Variants in MYO15A observed in about 807,000 individuals in gnomAD.
MYO15A encodes the protein myosin XVA, also known as unconventional myosin-XV.
A neutral mutation model predicts 394.6 loss-of-function variants in MYO15A; 308 were observed. The ratio of observed to expected loss-of-function variants is 0.78; its 90% CI spans 0.71 to 0.86. The LOEUF (loss-of-function observed/expected upper bound fraction) is 0.86, where lower values mean the gene tolerates loss of function less well. Among genes scored for constraint, MYO15A ranks in the 40% least tolerant of loss-of-function variants. MYO15A has a pLI of 0.00. For missense variants in MYO15A, 4,606 were observed against 4,799.1 expected (o/e 0.96, Z 1.19); for synonymous variants, 1,957 against 2,003.8 (o/e 0.98, Z 0.62).
chr17:18,125,109 G>A, intron 3 of MYO15A, 59 bp from the exon 4 acceptor site: 1 of 1,527,016 alleles, frequency 6.5e-7, no homozygotes, highest in South Asian at 1.1e-5. Context: ...GTTGGGGAGG[G>A]AGACCCATGC....
At chr17:18,133,195 C>T (rs765211369) in intron 11 of MYO15A, 30 bp from the exon 12 acceptor site, 16 of 1,612,436 alleles carry the variant, frequency 9.9e-6, no homozygotes, top group Non-Finnish European at 8.5e-7. Context: ...CACCCAAGCT[C>T]CCTGACCCTC....
chr17:18,173,643 G>C, intron 64 of MYO15A, 138 bp from the exon 65 acceptor site: 12 of 1,175,702 alleles, frequency 1.0e-5, no homozygotes, highest in Non-Finnish European at 1.5e-5. Flanking sequence ...TCAAGGTCAC[G>C]CAAGTCACTG....
chr17:18,121,373 G>A lies in MYO15A; in HGVS notation c.2573G>A (p.Arg858Gln). 5 of 1,512,398 alleles carry A rather than the reference G, an allele frequency of 3.3e-6. No individual in the cohort carries two copies. Among genetic ancestry groups the A allele is most frequent in the South Asian group, 1.2e-5 (1 of 81,732 alleles). 93.7% of individuals were successfully genotyped at this position (1,512,398 alleles called of 1,614,324 possible). Residue 858 changes from arginine (R) to glutamine (Q), a missense_variant, in exon 2 of 66, where the codon CGG (arginine) becomes CAG (glutamine). This residue lies in a region of MYO15A where 1,830 missense variants were observed against 1,689.7 expected (regional missense o/e 1.08). Coordinates refer to ENST00000647165, the MANE Select transcript of MYO15A (RefSeq NM_016239.4). The surrounding 1 kb of genome is among the most constrained non-coding windows in gnomAD (Gnocchi z 5.3). ...CCCCTGGGGCTCTGCCACAGCCCGC[G>A]GCGCAGCTCCCTGAATCTGCCCTCG... Reference protein sequence around the residue: ...SPPLGLCHSPRRSSLNLPSRL... With the variant: ...SPPLGLCHSPQRSSLNLPSRL...
At chr17:18,172,748 G>T (rs2142432986) in intron 64 of MYO15A, 1 of 284,306 alleles carries the variant, frequency 3.5e-6, no homozygotes, top group East Asian at 9.4e-5. Flanking sequence ...TGGTATCTCT[G>T]TGTATCCAAA....
At chr17:18,126,740 A>T (rs754592607) in intron 5 of MYO15A, 51 bp from the exon 6 acceptor site, 10 of 1,575,134 alleles carry the variant, frequency 6.3e-6, no homozygotes, top group Non-Finnish European at 8.7e-6. Context: ...AATCCCTGGG[A>T]GGTGTGGGAG....
intron 62 of MYO15A, 116 bp downstream of exon 62, chr17:18,167,839 C>A: frequency 6.8e-7 from 1 of 1,464,030 alleles, no homozygotes. Context: ...CCTCTTATAC[C>A]AGTGGGGCTA....
At chr17:18,157,395 G>T in intron 50 of MYO15A, 165 bp downstream of exon 50, 1 of 1,066,518 alleles carries the variant, frequency 9.4e-7, no homozygotes. Flanking sequence ...TGGCCAGACA[G>T]CCCAGCCCTC....
At position 18,153,725 on chromosome 17, in the gene MYO15A, TA is replaced by T. The variant is rs902426883; in HGVS notation, c.7967-43del. 4 of 1,571,800 alleles carry T rather than the reference TA, an allele frequency of 2.5e-6. No homozygotes were observed. Among genetic ancestry groups the T allele is most frequent in the East Asian group, 4.7e-5 (2 of 42,320 alleles). On this transcript the variant is annotated intron_variant, in intron 42 of 65. Coordinates refer to ENST00000647165, the MANE Select transcript of MYO15A (RefSeq NM_016239.4). This position sits in a 1 kb window ranked among gnomAD's most constrained non-coding sequence, Gnocchi z 4.1. ...AAAATATATATATATATTAATTAAA[TA>T]AAAAAACGAGGTGCCTTCTCCTGAC... is the stretch of plus-strand genomic sequence containing the variant.
In MYO15A at chr17:18,121,397, C is replaced by T. The variant is rs1314167206; in HGVS notation, c.2597C>T (p.Ser866Leu). 2.6e-6 allele frequency: 4 copies of T among 1,534,948 alleles called. No homozygotes were observed. Among genetic ancestry groups the T allele is most frequent in the Non-Finnish European group, 2.6e-6 (3 of 1,144,322 alleles). Residue 866 changes from serine (S) to leucine (L), a missense_variant, in exon 2 of 66, where the codon TCG becomes TTG. Coordinates refer to ENST00000647165, the MANE Select transcript of MYO15A (RefSeq NM_016239.4). This position sits in a 1 kb window ranked among gnomAD's most constrained non-coding sequence, Gnocchi z 5.3. ...SPRRSSLNLPSRLPHTWRRLS... is the reference protein window; with the variant it reads ...SPRRSSLNLPLRLPHTWRRLS... The stretch of plus-strand genomic sequence containing the variant: ...CGGCGCAGCTCCCTGAATCTGCCCT[C>T]GCGCCTCCCGCACACGTGGCGGCGC...
chr17:18,114,770 C>T (rs1461760837), intron 1 of MYO15A, among the ~76,000 whole-genome samples: 1 of 152,190 alleles, frequency 6.6e-6, no homozygotes, highest in Non-Finnish European at 1.5e-5. Context: ...CCCACTCCCT[C>T]CTGGGCCTCT....
At chr17:18,163,023 A>C (rs2046798124) in intron 58 of MYO15A, among the ~76,000 whole-genome samples, 1 of 152,118 alleles carries the variant, frequency 6.6e-6, no homozygotes, top group Non-Finnish European at 1.5e-5. Flanking sequence ...AAACACACAC[A>C]AAAAAATGAA....
rs754690486 is a variant in MYO15A at position 18,163,790 on chromosome 17, C to T, written c.9739C>T (p.Arg3247Cys). 18 of 1,613,972 alleles carry T rather than the reference C, an allele frequency of 1.1e-5. No individual in the cohort carries two copies. Among genetic ancestry groups the T allele is most frequent in the South Asian group, 6.6e-5 (6 of 91,040 alleles). Residue 3247 changes from arginine to cysteine, a missense_variant, in exon 60 of 66, where the codon CGC (arginine) becomes TGC (cysteine). Arg to Cys is a radical substitution (Grantham distance 180, BLOSUM62 -3). Around this residue, in one of 2 missense-constraint regions of MYO15A, gnomAD observed 2,776 missense variants for 3,109.3 expected, o/e 0.89. Transcript: ENST00000647165. ...EEICAEMALT[R>C]PEAFNEYVIF... ...GATATGTGCTGAGATGGCTCTGACA[C>T]GCCCTGAGGCCTTCAATGAATATGT...
intron 22 of MYO15A, 109 bp from the exon 23 acceptor site, chr17:18,141,544 C>G (rs964401925): frequency 1.9e-6 from 2 of 1,029,564 alleles, no homozygotes; most frequent in African/African-American, 3.1e-5. Flanking sequence ...GTGGAGCCAC[C>G]ACTGGGACCA....
chr17:18,122,562 A>T, intron 2 of MYO15A, 153 bp downstream of exon 2: 4 of 1,154,796 alleles, frequency 3.5e-6, no homozygotes, highest in Non-Finnish European at 4.7e-6. Flanking sequence ...AACAGCCTGG[A>T]CCTCCCAGAA....
In MYO15A at chr17:18,141,575, G is replaced by T. The variant is rs950873773; in HGVS notation, c.5532-78G>T. ...GACCAGGCTTTTTGGACACCTGGCT[G>T]GGGGCAGTAACCCCATGGTCTAGCA... On this transcript the variant is annotated intron_variant, in intron 22 of 65. Coordinates refer to ENST00000647165, the MANE Select transcript of MYO15A (RefSeq NM_016239.4). 1.7e-5 allele frequency: 23 copies of T among 1,361,134 alleles called. 1 individual carries two copies. The African/African-American group carries it at 2.9e-4, about 17-fold the overall frequency. The allele number at this position is 1,361,134 out of a possible 1,614,324, so 84.3% of individuals were successfully genotyped here.
In MYO15A at chr17:18,129,759, A is replaced by G. The variant is rs3794790; in HGVS notation, c.4033-1046A>G. Among the ~76,000 whole-genome samples, 19 of 152,316 alleles carry G rather than the reference A, an allele frequency of 1.2e-4. No homozygotes were observed. The East Asian group carries it at 2.5e-3, about 20-fold the overall frequency. ...TACCTACCTCATGGGATTGTTAACA[A>G]CGGCATTATCAGGGCAATGTGTCTG... On this transcript the variant is annotated intron_variant, in intron 7 of 65. Transcript: ENST00000647165.
rs1480918050 is a variant in MYO15A at position 18,132,683 on chromosome 17, G to C, written c.4320+117G>C. The C allele has an allele frequency of 1.2e-6, 1 of 832,742 alleles. No homozygotes were observed. Among genetic ancestry groups the C allele is most frequent in the East Asian group, 2.6e-5 (1 of 38,374 alleles). The allele number at this position is 832,742 out of a possible 1,614,324, so 51.6% of individuals were successfully genotyped here. ...GGAGTGTGAAGGTGAAGGAGATTTGGGGAGGGTGAGTTTGGATTTAAGACA... is the reference window on the plus strand; with the variant it reads ...GGAGTGTGAAGGTGAAGGAGATTTGCGGAGGGTGAGTTTGGATTTAAGACA... On this transcript the variant is annotated intron_variant, in intron 11 of 65. Transcript: ENST00000647165. This position sits in a 1 kb window ranked among gnomAD's most constrained non-coding sequence, Gnocchi z 4.6.
intron 1 of MYO15A, among the ~76,000 whole-genome samples, chr17:18,110,820 G>C (rs1330821007): frequency 6.6e-6 from 1 of 152,174 alleles, no homozygotes; most frequent in African/African-American, 2.4e-5. Context: ...CCAGCCATAG[G>C]ACTGTCCTTG....
At chr17:18,126,750 G>C in intron 5 of MYO15A, 41 bp from the exon 6 acceptor site, 8 of 1,604,738 alleles carry the variant, frequency 5.0e-6, no homozygotes, top group Non-Finnish European at 6.0e-6. Flanking sequence ...AGGTGTGGGA[G>C]CTTAGAGGCA....
Sources: allele counts gnomAD v4.1 joint callset (sites outside exome capture counted in the v4.1 genomes callset), GRCh38; gene constraint gnomAD v4.1.1; regional missense constraint gnomAD v4.1.1; non-coding constraint Gnocchi (gnomAD v3.1); transcripts MANE v1.5; gene names NCBI Gene and HGNC (gene_info 2026-07-23, HGNC 2026-07-21).